The following DOCK4 variants were observed in gnomAD, a reference collection of about 807,000 sequenced individuals.
The protein encoded by DOCK4 is dedicator of cytokinesis protein 4.
Under a neutral mutation model 268.1 loss-of-function variants are expected in DOCK4, and 97 were observed. That is an observed-to-expected ratio of 0.36 (90% CI 0.31 to 0.43). The LOEUF is 0.43. Ranked by LOEUF, DOCK4 falls within the 20% of genes least tolerant of loss-of-function variation. The pLI, the probability that DOCK4 is intolerant of heterozygous loss-of-function variation, is 1.00. For missense variants in DOCK4, 2,145 were observed against 2,455.7 expected, an observed-to-expected ratio of 0.87 and a Z score of 2.67; for synonymous variants, 954 against 887.2, an observed-to-expected ratio of 1.08 and a Z score of -1.34.
rs755809361 is a variant in DOCK4 at position 111,935,567 on chromosome 7, G to C, written c.1039C>G (p.Arg347Gly). The C allele has an allele frequency of 6.2e-7, 1 of 1,613,888 alleles. No homozygotes were observed. Among genetic ancestry groups the C allele is most frequent in the East Asian group, 2.2e-5 (1 of 44,866 alleles). Residue 347 changes from arginine to glycine, a missense_variant, in exon 12 of 53, where the codon CGT becomes GGT. Physicochemically the swap from Arg to Gly is moderately radical, Grantham distance 125. This residue lies in a region of DOCK4 where 1,598 missense variants were observed against 1,986.7 expected (regional missense o/e 0.80). Coordinates refer to ENST00000428084, the MANE Select transcript of DOCK4 (RefSeq NM_001363540.2). ...HENIIKKLNA[R>G]YNLTGSNAGL... ...GCATTGGAGCCAGTCAAGTTATAAC[G>C]TGCATTCAGCTTTTTGATGATGTTC... is the stretch of plus-strand genomic sequence containing the variant.
chr7:111,872,626 G>A lies in DOCK4; in HGVS notation c.1745-62C>T, dbSNP rs372468011. The A allele has an allele frequency of 3.2e-5, 44 of 1,364,304 alleles. No individual in the cohort carries two copies. The South Asian group carries it at 3.5e-4, about 11-fold the overall frequency. The allele number at this position is 1,364,304 out of a possible 1,614,324, so 84.5% of individuals were successfully genotyped here. ...AGAGAACAGGTCCTCACATGAAAGC[G>A]TTCTGCTAGTAAAAGTAAAATTCTT... is the stretch of plus-strand genomic sequence containing the variant. On this transcript the variant is annotated intron_variant, in intron 17 of 52. Transcript: ENST00000428084.
rs2134389495 is a variant in DOCK4, at chr7:111,896,783, G to A, written c.1481-1065C>T. Among the ~76,000 whole-genome samples, 2 of 152,276 alleles carry A rather than the reference G, an allele frequency of 1.3e-5. 1 individual carries two copies. The highest frequency in any genetic ancestry group is 1.3e-4 in the Admixed American group (2 of 15,292). On this transcript the variant is annotated intron_variant, in intron 15 of 52. Transcript: ENST00000428084. Reference sequence around the variant, plus strand: ...CCAGGCATTTAAGCACAGGGAAGTGGAGCCTCATGCAGAAAACGGTAATTT... The same window carrying A: ...CCAGGCATTTAAGCACAGGGAAGTGAAGCCTCATGCAGAAAACGGTAATTT...
chr7:111,995,439 GTGTGTGTGTGTGTGTGTGTA>G (rs1346508722), intron 4 of DOCK4, among the ~76,000 whole-genome samples: 23 of 102,224 alleles, frequency 2.2e-4, no homozygotes, highest in Admixed American at 1.4e-3. Flanking sequence ...GTGTGTGTGT[GTGTGTGTGTGTGTGTGTGTA>G]TGTGCAGGTG....
chr7:112,176,489 T>C (rs1476190650), intron 1 of DOCK4, among the ~76,000 whole-genome samples: 1 of 152,152 alleles, frequency 6.6e-6, no homozygotes, highest in Non-Finnish European at 1.5e-5. Flanking sequence ...TGACCTCTCA[T>C]TATTAATAAC....
chr7:112,019,046 A>G (rs1479878342), intron 1 of DOCK4, among the ~76,000 whole-genome samples: 1 of 152,214 alleles, frequency 6.6e-6, no homozygotes, highest in Non-Finnish European at 1.5e-5. Context: ...GTGGGTACCC[A>G]TAACATTGCG....
intron 2 of DOCK4, among the ~76,000 whole-genome samples, chr7:112,003,397 C>CA (rs1431122443): frequency 2.0e-5 from 3 of 151,762 alleles, no homozygotes; most frequent in Non-Finnish European, 4.4e-5. Flanking sequence ...CAAAGAAAAA[C>CA]AAAAAACAAA....
chr7:111,791,069 A>T (rs867267262), intron 30 of DOCK4, among the ~76,000 whole-genome samples: 246 of 83,926 alleles, frequency 2.9e-3, no homozygotes, highest in African/African-American at 0.016. Flanking sequence ...AAAAAAAAAA[A>T]TTATATATAT....
chr7:112,128,003 T>C (rs1452450398), intron 1 of DOCK4, among the ~76,000 whole-genome samples: 1 of 152,178 alleles, frequency 6.6e-6, no homozygotes, highest in Non-Finnish European at 1.5e-5. Context: ...CACTCCAGCC[T>C]GGGCAACAGA....
intron 51 of DOCK4, among the ~76,000 whole-genome samples, chr7:111,733,962 A>G (rs1038339916): frequency 3.9e-5 from 6 of 152,180 alleles, no homozygotes; most frequent in African/African-American, 1.4e-4. Context: ...TTTTGTGGCA[A>G]GGTCTCACTT....
chr7:111,782,995 G>C, intron 34 of DOCK4, 71 bp from the exon 35 acceptor site: 1 of 1,342,306 alleles, frequency 7.4e-7, no homozygotes, highest in South Asian at 1.3e-5. Context: ...GTTCTTTTTG[G>C]GGGAAAAAAA....
intron 16 of DOCK4, among the ~76,000 whole-genome samples, chr7:111,878,129 G>C (rs775574584): frequency 7.2e-5 from 11 of 152,160 alleles, no homozygotes; most frequent in Non-Finnish European, 1.5e-4. Context: ...CCAAAAGATG[G>C]GGGTTTGCTG....
chr7:111,920,070 C>T (rs867621447), intron 12 of DOCK4, among the ~76,000 whole-genome samples: 10 of 152,004 alleles, frequency 6.6e-5, no homozygotes, highest in African/African-American at 2.2e-4. Context: ...CTTCTAAAAA[C>T]GTTGAACTCA....
chr7:112,080,207 A>C (rs1050218604), intron 1 of DOCK4, among the ~76,000 whole-genome samples: 1 of 152,164 alleles, frequency 6.6e-6, no homozygotes, highest in Non-Finnish European at 1.5e-5. Flanking sequence ...TGCCAAGCTA[A>C]ATATAAATTT....
chr7:112,039,844 A>C (rs949332098), intron 1 of DOCK4, among the ~76,000 whole-genome samples: 21 of 152,180 alleles, frequency 1.4e-4, no homozygotes, highest in African/African-American at 3.4e-4. Flanking sequence ...CTTTACCTGG[A>C]GAACACAGTC....
intron 8 of DOCK4, among the ~76,000 whole-genome samples, chr7:111,949,314 A>C (rs1289242961): frequency 6.6e-6 from 1 of 152,198 alleles, no homozygotes; most frequent in East Asian, 1.9e-4. Flanking sequence ...CTTAACTTTA[A>C]CACTGACATA....
At chr7:112,055,645 C>G (rs1376082863) in intron 1 of DOCK4, among the ~76,000 whole-genome samples, 7 of 152,166 alleles carry the variant, frequency 4.6e-5, no homozygotes, top group Admixed American at 3.3e-4. Flanking sequence ...CGGTAGCTCA[C>G]GCCTATAATC....
intron 11 of DOCK4, among the ~76,000 whole-genome samples, chr7:111,938,087 G>A (rs1468285419): frequency 6.6e-6 from 1 of 151,684 alleles, no homozygotes; most frequent in African/African-American, 2.4e-5. Flanking sequence ...TGAAATTGAG[G>A]GTTGCTATGT....
At position 111,742,071 on chromosome 7, in the gene DOCK4, G is replaced by C. The variant is rs749476565; in HGVS notation, c.4739C>G (p.Pro1580Arg). Residue 1580 changes from proline to arginine, a missense_variant, in exon 45 of 53, where the codon CCC becomes CGC. Transcript: ENST00000428084. ...TTGGTCAACCAGCTTTTTGTGAAGG[G>C]GTCTCATATCTTGAGGTACAAACTT... Reference protein sequence around the residue: ...HEKFVPQDMRPLHKKLVDQFF... With the variant: ...HEKFVPQDMRRLHKKLVDQFF... The C allele has an allele frequency of 6.2e-7, 1 of 1,608,158 alleles. No individual in the cohort carries two copies. Among genetic ancestry groups the C allele is most frequent in the Non-Finnish European group, 8.5e-7 (1 of 1,177,690 alleles).
intron 13 of DOCK4, among the ~76,000 whole-genome samples, chr7:111,906,456 C>A (rs1336578315): frequency 6.6e-6 from 1 of 152,080 alleles, no homozygotes; most frequent in African/African-American, 2.4e-5. Flanking sequence ...TTGGTCAATA[C>A]AAATATTCAA....
Sources: allele counts gnomAD v4.1 joint callset (sites outside exome capture counted in the v4.1 genomes callset), GRCh38; gene constraint gnomAD v4.1.1; regional missense constraint gnomAD v4.1.1; transcripts MANE v1.5; gene names NCBI Gene and HGNC (gene_info 2026-07-23, HGNC 2026-07-21).